KLF11: variants seen among roughly 807,000 people sequenced by gnomAD.
KLF11 encodes the protein KLF transcription factor 11.
KLF11 carries 26 observed loss-of-function variants against 29.9 expected under a neutral mutation model. The observed-to-expected ratio is 0.87, with a 90% CI of 0.64 to 1.21. KLF11 has a LOEUF of 1.21. Ranked by LOEUF, KLF11 falls within the 50% of genes most tolerant of loss-of-function variation. KLF11 has a pLI of 0.00. For missense variants in KLF11, 778 were observed against 665.7 expected (o/e 1.17, Z -1.86); for synonymous variants, 318 against 257.4 (o/e 1.24, Z -2.25).
chr2:10,051,523 A>T (rs114716430), intron 3 of KLF11, among the ~76,000 whole-genome samples: 4 of 149,902 alleles, frequency 2.7e-5, no homozygotes, highest in African/African-American at 9.9e-5. Flanking sequence ...TACATTTTTT[A>T]TTTTTAATTT....
intron 1 of KLF11, chr2:10,044,383 C>T: frequency 1.0e-6 from 1 of 985,632 alleles, no homozygotes; most frequent in Non-Finnish European, 1.2e-6. Flanking sequence ...TAGCCGTGGA[C>T]GTGGGCAGAG....
At chr2:10,045,666 G>A (rs75146886) in intron 1 of KLF11, among the ~76,000 whole-genome samples, 8,981 of 152,300 alleles carry the variant, frequency 0.059, 351 homozygotes, top group East Asian at 0.16. Flanking sequence ...AAGCCTAGGC[G>A]GAAGGCCCCA....
intron 1 of KLF11, chr2:10,044,396 C>T: frequency 2.0e-6 from 2 of 985,590 alleles, no homozygotes; most frequent in Non-Finnish European, 2.4e-6. Flanking sequence ...GGGCAGAGCG[C>T]GGGCCTCGTG....
intron 3 of KLF11, among the ~76,000 whole-genome samples, chr2:10,050,069 T>G (rs1450769598): frequency 6.6e-6 from 1 of 152,240 alleles, no homozygotes; most frequent in Admixed American, 6.5e-5. Context: ...CAGAATGACC[T>G]GCAGTGATTG....
intron 1 of KLF11, chr2:10,043,976 C>G: frequency 2.3e-6 from 2 of 876,322 alleles, no homozygotes; most frequent in Non-Finnish European, 2.8e-6. Context: ...GGGGCGTGTT[C>G]CCCGCGCAGC....
chr2:10,047,685 G>A lies in KLF11; in HGVS notation c.348G>A (p.Glu116=), dbSNP rs1237618965. ...CTCCTCAGAGCCCTGATCTCGTGGA[G>A]CCATCGACAAGGACACCTGTTTCTC... The part of the protein sequence containing the change: ...ITPPQSPDLV[E]PSTRTPVSPQ... Residue 116 remains glutamate, a synonymous_variant, in exon 3 of 4, where the codon GAG becomes GAA. Coordinates refer to ENST00000305883, the MANE Select transcript of KLF11 (RefSeq NM_003597.5). 6.2e-7 allele frequency: 1 copy of A among 1,613,292 alleles called. No homozygotes were observed. Among genetic ancestry groups the A allele is most frequent in the East Asian group, 2.2e-5 (1 of 44,882 alleles).
chr2:10,050,811 G>C (rs1040814297), intron 3 of KLF11, among the ~76,000 whole-genome samples: 1 of 148,766 alleles, frequency 6.7e-6, no homozygotes, highest in African/African-American at 2.5e-5. Context: ...AGTTTACCTT[G>C]GATAAGATTG....
chr2:10,046,801 G>C (rs1661220038), intron 2 of KLF11, among the ~76,000 whole-genome samples: 1 of 152,172 alleles, frequency 6.6e-6, no homozygotes, highest in African/African-American at 2.4e-5. Context: ...GTTGCAGTGA[G>C]CCGAGATCGT....
chr2:10,044,487 C>T, intron 1 of KLF11: 2 of 970,916 alleles, frequency 2.1e-6, no homozygotes, highest in South Asian at 9.5e-5. Context: ...TGTGACATCA[C>T]AGGGGGTTTA....
intron 1 of KLF11, 53 bp downstream of exon 1, chr2:10,043,811 CG>C: frequency 7.6e-6 from 10 of 1,317,352 alleles, no homozygotes; most frequent in East Asian, 4.5e-5. Context: ...AGGGGCGAGG[CG>C]GGGGAAGTGG....
At chr2:10,049,930 G>A (rs912787265) in intron 3 of KLF11, among the ~76,000 whole-genome samples, 3 of 152,144 alleles carry the variant, frequency 2.0e-5, no homozygotes, top group Non-Finnish European at 4.4e-5. Context: ...TTGTTGACTT[G>A]GTGAGCTCTG....
intron 3 of KLF11, among the ~76,000 whole-genome samples, chr2:10,050,749 C>T (rs562751722): frequency 3.2e-4 from 48 of 152,056 alleles, no homozygotes; most frequent in Admixed American, 3.1e-3. Flanking sequence ...TGAAGAATCC[C>T]CTTGTGCCAT....
Position 10,052,480 on chromosome 2 carries a change from A to G in KLF11, c.1512A>G (p.Pro504=). ...RIASAESPGS[P]LVSMPASA is the part of the protein sequence containing the mutation. ...CCTCTGCAGAGAGCCCGGGGAGCCC[A>G]CTGGTGAGCATGCCAGCCTCTGCCT... Residue 504 remains proline, a synonymous_variant, in exon 4 of 4, where the codon CCA becomes CCG. Coordinates refer to ENST00000305883, the MANE Select transcript of KLF11 (RefSeq NM_003597.5). 6.2e-7 allele frequency: 1 copy of G among 1,614,018 alleles called. No individual in the cohort carries two copies. The highest frequency in any genetic ancestry group is 2.2e-5 in the East Asian group (1 of 44,880).
At chr2:10,046,619 G>A (rs1253677914) in intron 2 of KLF11, among the ~76,000 whole-genome samples, 200 bp downstream of exon 2, 1 of 152,160 alleles carries the variant, frequency 6.6e-6, no homozygotes, top group Non-Finnish European at 1.5e-5. Flanking sequence ...CACTTTGGGA[G>A]GGCCAGGCAG....
At chr2:10,044,774 C>T (rs1289960153) in intron 1 of KLF11, among the ~76,000 whole-genome samples, 3 of 151,622 alleles carry the variant, frequency 2.0e-5, no homozygotes, top group Non-Finnish European at 2.9e-5. Context: ...AGTAATATCA[C>T]CCTCTCGCCC....
At chr2:10,043,887 G>T in intron 1 of KLF11, 129 bp downstream of exon 1, 5 of 1,077,458 alleles carry the variant, frequency 4.6e-6, no homozygotes, top group South Asian at 3.3e-5. Context: ...CGGCCGCGCC[G>T]GTAGGGGCCT....
chr2:10,050,844 A>G (rs1340175598), intron 3 of KLF11, among the ~76,000 whole-genome samples: 1 of 150,214 alleles, frequency 6.7e-6, no homozygotes, highest in Non-Finnish European at 1.5e-5. Flanking sequence ...ATTTCTGCCA[A>G]CCTGAAAAAT....
rs946559025 is a variant in KLF11 at position 10,048,427 on chromosome 2, A to G, written c.1090A>G (p.Thr364Ala). 6.2e-7 allele frequency: 1 copy of G among 1,613,952 alleles called. No homozygotes were observed. Among genetic ancestry groups the G allele is most frequent in the Non-Finnish European group, 8.5e-7 (1 of 1,180,016 alleles). The change falls in exon 3 of 4, where the codon ACC (threonine) becomes GCC (alanine). Residue 364 changes from threonine (T) to alanine (A), a missense_variant. Coordinates refer to ENST00000305883, the MANE Select transcript of KLF11 (RefSeq NM_003597.5). ...CAANVMAAGN[T>A]KLLPLAPAPV... ...AGCCAATGTCATGGCTGCCGGGAAT[A>G]CCAAGTTGTTGCCCCTTGCCCCTGC...
Position 10,053,395 on chromosome 2 carries a change from T to G in KLF11, c.*888T>G, listed in dbSNP as rs566630590. ...GAAACACTCAAATCCAGCTGCTTTG[T>G]CAATTGTCAGTTCTGACTCCTTTTG... On this transcript the variant is annotated 3_prime_UTR_variant, in exon 4 of 4. Coordinates refer to ENST00000305883, the MANE Select transcript of KLF11 (RefSeq NM_003597.5). The G allele has an allele frequency of 2.5e-5, 10 of 398,564 alleles. No individual in the cohort carries two copies. Among genetic ancestry groups the G allele is most frequent in the Non-Finnish European group, 4.4e-5 (10 of 226,102 alleles). The allele number at this position is 398,564 out of a possible 1,614,324, so 24.7% of individuals were successfully genotyped here.
Sources: allele counts gnomAD v4.1 joint callset (sites outside exome capture counted in the v4.1 genomes callset), GRCh38; gene constraint gnomAD v4.1.1; transcripts MANE v1.5; gene names NCBI Gene and HGNC (gene_info 2026-07-23, HGNC 2026-07-21).